Variants in PNO1 observed in about 807,000 individuals in gnomAD.
PNO1 encodes RNA-binding protein PNO1.
In PNO1, 16 loss-of-function variants were observed where a neutral mutation model predicts 28.4. The ratio of observed to expected loss-of-function variants is 0.56; its 90% confidence interval spans 0.38 to 0.85. PNO1 has a LOEUF of 0.85. Among genes scored for constraint, PNO1 ranks in the 40% least tolerant of loss-of-function variants. PNO1 has a pLI of 0.00. For missense variants in PNO1, 304 were observed against 312.2 expected (o/e 0.97, Z 0.20); for synonymous variants, 115 against 110.8 (o/e 1.04, Z -0.24).
In PNO1 at chr2:68,174,805, TC is replaced by T. The variant is rs777034151; in HGVS notation, c.*4del. ...GCAGATCAGCAGATCGATTCTGATT[TC>T]AAGTCAGAGACTTTTTATCTTGCCT... On this transcript the variant is annotated 3_prime_UTR_variant, in exon 7 of 7. Coordinates refer to ENST00000263657, the MANE Select transcript of PNO1 (RefSeq NM_020143.4). 2.5e-6 allele frequency: 4 copies of T among 1,590,050 alleles called. No individual in the cohort carries two copies. In the African/African-American group the frequency reaches 5.4e-5, roughly 21 times the overall value.
rs2044693 is a variant in PNO1, at chr2:68,157,965, A to G, written c.31A>G (p.Arg11Gly). The G allele has an allele frequency of 0.67, 1,087,077 of 1,613,702 alleles. 370,386 individuals are homozygous for G. Among genetic ancestry groups the G allele is most frequent in the African/African-American group, 0.94 (70,203 of 75,042 alleles). ...ATCCGAAATGGAAACGCAGAGCGCC[A>G]GGGCAGAGGAGGGCTTTACCCAGGT... MESEMETQSA[R>G]AEEGFTQVTR... Residue 11 changes from arginine to glycine, a missense_variant, in exon 1 of 7, where the codon AGG becomes GGG. Physicochemically the swap from Arg to Gly is moderately radical, Grantham distance 125. Coordinates refer to ENST00000263657, the MANE Select transcript of PNO1 (RefSeq NM_020143.4).
chr2:68,158,197 C>A, intron 1 of PNO1, 56 bp downstream of exon 1: 3 of 1,498,918 alleles, frequency 2.0e-6, no homozygotes, highest in Non-Finnish European at 1.8e-6. Context: ...GCGGATCAAG[C>A]CGATGGCCTC....
intron 6 of PNO1, among the ~76,000 whole-genome samples, chr2:68,174,164 G>C (rs1674208138): frequency 6.6e-6 from 1 of 152,048 alleles, no homozygotes; most frequent in African/African-American, 2.4e-5. Flanking sequence ...AGAAAATTGG[G>C]ATTTTCTGGT....
At chr2:68,164,851 A>G (rs1174160169) in intron 5 of PNO1, among the ~76,000 whole-genome samples, 1 of 152,166 alleles carries the variant, frequency 6.6e-6, no homozygotes, top group Non-Finnish European at 1.5e-5. Context: ...TCCTCACCGT[A>G]TGGTGGGGTT....
At chr2:68,163,823 C>CT (rs1202973582) in intron 5 of PNO1, among the ~76,000 whole-genome samples, 1 of 152,158 alleles carries the variant, frequency 6.6e-6, no homozygotes, top group Non-Finnish European at 1.5e-5. Flanking sequence ...GGGATTACCC[C>CT]TGTCTGAGGT....
At chr2:68,162,793 A>T (rs2103672319) in intron 5 of PNO1, 130 bp downstream of exon 5, 1 of 681,914 alleles carries the variant, frequency 1.5e-6, no homozygotes, top group Non-Finnish European at 2.7e-6. Context: ...TGCTCCTCAT[A>T]AATCCATCAT....
At chr2:68,159,254 ATGTGTGTGTGTG>A (rs71825244) in intron 2 of PNO1, among the ~76,000 whole-genome samples, 1 of 150,128 alleles carries the variant, frequency 6.7e-6, no homozygotes, top group Non-Finnish European at 1.5e-5. Flanking sequence ...ATGCATATAT[ATGTGTGTGTGTG>A]TGTGTGTGTG....
chr2:68,158,161 G>A lies in PNO1; in HGVS notation c.207+20G>A. 2 of 1,564,550 alleles carry A rather than the reference G, an allele frequency of 1.3e-6. No homozygotes were observed. The highest frequency in any genetic ancestry group is 1.7e-6 in the Non-Finnish European group (2 of 1,154,946). Reference sequence around the variant, plus strand: ...CTCCTGGTATGTGGCTGGGACCCTAGGACAGCAACGAGGCAAGGGCCAGAC... The same window carrying A: ...CTCCTGGTATGTGGCTGGGACCCTAAGACAGCAACGAGGCAAGGGCCAGAC... On this transcript the variant is annotated intron_variant, in intron 1 of 6. Coordinates refer to ENST00000263657, the MANE Select transcript of PNO1 (RefSeq NM_020143.4).
chr2:68,163,882 T>C (rs573286450), intron 5 of PNO1, among the ~76,000 whole-genome samples: 17 of 152,238 alleles, frequency 1.1e-4, no homozygotes, highest in South Asian at 6.2e-4. Flanking sequence ...TCAGAGATTA[T>C]ATAATGCCAT....
rs893483088 is a variant in PNO1, at chr2:68,175,164, C to T, written c.*362C>T. On this transcript the variant is annotated 3_prime_UTR_variant, in exon 7 of 7. Transcript: ENST00000263657. ...ATATTTATAAATTTATAACTTCATACAAATTTATAAACATTTCTTTATAAA... is the reference window on the plus strand; with the variant it reads ...ATATTTATAAATTTATAACTTCATATAAATTTATAAACATTTCTTTATAAA... The T allele has an allele frequency of 3.8e-5, 6 of 158,890 alleles. No individual in the cohort carries two copies. Among genetic ancestry groups the T allele is most frequent in the African/African-American group, 1.4e-4 (6 of 41,746 alleles). 9.8% of individuals were successfully genotyped at this position (158,890 alleles called of 1,614,324 possible). A position where few individuals can be genotyped will look rare whatever the true frequency, so the allele number is the denominator to read the frequency against.
Position 68,175,075 on chromosome 2 carries a change from T to C in PNO1, c.*273T>C, listed in dbSNP as rs1368636625. The C allele has an allele frequency of 3.2e-6, 1 of 314,122 alleles. No homozygotes were observed. Among genetic ancestry groups the C allele is most frequent in the African/African-American group, 2.1e-5 (1 of 47,194 alleles). The allele number at this position is 314,122 out of a possible 1,614,324, so 19.5% of individuals were successfully genotyped here. A position where few individuals can be genotyped will look rare whatever the true frequency, so the allele number is the denominator to read the frequency against. ...CTGAAATCACATGTAGCAGATTGCA[T>C]AGTCTGTAATCCTCTCAGAGGGAAA... On this transcript the variant is annotated 3_prime_UTR_variant, in exon 7 of 7. Coordinates refer to ENST00000263657, the MANE Select transcript of PNO1 (RefSeq NM_020143.4).
intron 4 of PNO1, 44 bp from the exon 5 acceptor site, chr2:68,162,502 C>A (rs758319196): frequency 1.5e-6 from 2 of 1,328,344 alleles, no homozygotes; most frequent in Non-Finnish European, 2.2e-6. Context: ...ATGGGTGGTA[C>A]ACTAGAATGG....
chr2:68,167,283 T>C (rs1471127497), intron 5 of PNO1, among the ~76,000 whole-genome samples: 1 of 152,222 alleles, frequency 6.6e-6, no homozygotes, highest in Non-Finnish European at 1.5e-5. Context: ...CTTTCGGTAT[T>C]GAACTCATGG....
chr2:68,158,329 C>A, intron 1 of PNO1, 51 bp from the exon 2 acceptor site: 1 of 1,544,240 alleles, frequency 6.5e-7, no homozygotes, highest in Non-Finnish European at 8.8e-7. Flanking sequence ...ATTTTAAACT[C>A]CATCACCGTC....
At chr2:68,166,909 G>A (rs188609226) in intron 5 of PNO1, among the ~76,000 whole-genome samples, 117 of 152,098 alleles carry the variant, frequency 7.7e-4, no homozygotes, top group Non-Finnish European at 1.2e-3. Flanking sequence ...TGATTTCTCC[G>A]TGATCCATAT....
chr2:68,172,704 C>T (rs1674162080), intron 5 of PNO1, among the ~76,000 whole-genome samples: 2 of 152,130 alleles, frequency 1.3e-5, no homozygotes, highest in Admixed American at 6.5e-5. Flanking sequence ...GCCAGTGTGT[C>T]GTCTTGGGCA....
chr2:68,163,269 C>T (rs999895414), intron 5 of PNO1, among the ~76,000 whole-genome samples: 1 of 152,166 alleles, frequency 6.6e-6, no homozygotes, highest in African/African-American at 2.4e-5. Flanking sequence ...CAGTGGCTCA[C>T]GCCTGCAATC....
At chr2:68,163,148 A>C (rs976175861) in intron 5 of PNO1, among the ~76,000 whole-genome samples, 4 of 152,356 alleles carry the variant, frequency 2.6e-5, no homozygotes, top group South Asian at 2.1e-4. Flanking sequence ...AAAGAGGCTT[A>C]AGTTGAGAAA....
Position 68,162,262 on chromosome 2 carries a change from T to C in PNO1, c.442-3T>C. The C allele has an allele frequency of 6.2e-7, 1 of 1,607,350 alleles. No individual in the cohort carries two copies. The highest frequency in any genetic ancestry group is 8.5e-7 in the Non-Finnish European group (1 of 1,174,816). ...CTTCACGGTGTTTGTTTTTATATTATAGGATGCACTTGCCCTCATCAGGTT... is the reference window on the plus strand; with the variant it reads ...CTTCACGGTGTTTGTTTTTATATTACAGGATGCACTTGCCCTCATCAGGTT... On this transcript the variant is annotated splice_polypyrimidine_tract_variant and splice_region_variant and intron_variant, in intron 3 of 6. Transcript: ENST00000263657.
Sources: gnomAD v4.1 joint callset for allele counts (sites outside exome capture counted in the v4.1 genomes callset) on GRCh38, gnomAD v4.1.1 for gene constraint, MANE v1.5 for transcripts, NCBI Gene and HGNC (gene_info 2026-07-23, HGNC 2026-07-21) for gene names.